The following SMOC1 variants were observed in gnomAD, a reference collection of about 807,000 sequenced individuals.
SMOC1 encodes the protein SPARC related modular calcium binding 1.
SMOC1 carries 22 observed loss-of-function variants against 56.3 expected under a neutral mutation model. The ratio of observed to expected loss-of-function variants is 0.39; its 90% CI spans 0.28 to 0.56. The LOEUF (loss-of-function observed/expected upper bound fraction) is 0.56, where lower values mean the gene tolerates loss of function less well. Among genes scored for constraint, SMOC1 ranks in the 20% least tolerant of loss-of-function variants. The pLI is 0.61. For synonymous variants in SMOC1, 193 were observed against 215.0 expected (o/e 0.90, Z 0.89); for missense variants, 509 against 565.4 (o/e 0.90, Z 1.01).
intron 3 of SMOC1, among the ~76,000 whole-genome samples, chr14:69,954,630 G>T (rs572382151): frequency 6.6e-6 from 1 of 152,344 alleles, no homozygotes; most frequent in Non-Finnish European, 1.5e-5. Flanking sequence ...TGCCAGCTGA[G>T]TGAAGGTGCT....
rs143168404 is a variant in SMOC1 at position 69,993,011 on chromosome 14, GC to G, written c.583+539del. On this transcript the variant is annotated intron_variant, in intron 6 of 11. Transcript: ENST00000361956. Reference sequence around the variant, plus strand: ...AAGAGATCACCATGGTCTGGGAAAAGCTTTTGTGAAGAGCCAGGACTTGAGC... The same window carrying G: ...AAGAGATCACCATGGTCTGGGAAAAGTTTTGTGAAGAGCCAGGACTTGAGC... 6.8e-3 allele frequency among the ~76,000 whole-genome samples: 1,035 copies of G among 152,316 alleles called. 12 individuals are homozygous for G. The highest frequency in any genetic ancestry group is 0.023 in the African/African-American group (962 of 41,564).
intron 1 of SMOC1, among the ~76,000 whole-genome samples, chr14:69,913,298 C>G (rs1202516213): frequency 1.3e-5 from 2 of 152,246 alleles, no homozygotes; most frequent in East Asian, 3.9e-4. Context: ...GTTCTATGTA[C>G]TCTTATACAT....
intron 6 of SMOC1, 109 bp downstream of exon 6, chr14:69,992,582 T>C: frequency 1.1e-6 from 1 of 911,776 alleles, no homozygotes. Context: ...ATTTTCTTTT[T>C]TAATTTCAAT....
At chr14:69,938,839 A>G (rs535165910) in intron 1 of SMOC1, among the ~76,000 whole-genome samples, 4 of 152,158 alleles carry the variant, frequency 2.6e-5, no homozygotes, top group Non-Finnish European at 5.9e-5. Context: ...TGTTTTTGCA[A>G]GTAACTTAGC....
At chr14:70,017,521 T>C (rs1885561548) in intron 10 of SMOC1, among the ~76,000 whole-genome samples, 3 of 152,164 alleles carry the variant, frequency 2.0e-5, no homozygotes, top group Non-Finnish European at 2.9e-5. Flanking sequence ...CCTCTCAGAC[T>C]CTAGTAGTTA....
intron 10 of SMOC1, among the ~76,000 whole-genome samples, chr14:70,019,988 T>C (rs1885651153): frequency 6.6e-6 from 1 of 152,188 alleles, no homozygotes; most frequent in South Asian, 2.1e-4. Flanking sequence ...TTGCCTTCAA[T>C]AGTTTTGTTG....
At chr14:69,991,833 G>A (rs927540712) in intron 5 of SMOC1, among the ~76,000 whole-genome samples, 14 of 152,234 alleles carry the variant, frequency 9.2e-5, no homozygotes, top group South Asian at 2.1e-4. Context: ...CTTCAGTTCC[G>A]TGTGCTGGAG....
intron 5 of SMOC1, among the ~76,000 whole-genome samples, chr14:69,979,054 C>G (rs1333673904): frequency 6.6e-6 from 1 of 151,980 alleles, no homozygotes; most frequent in Non-Finnish European, 1.5e-5. Context: ...GGGCTTCCCA[C>G]CTGCATCTAG....
chr14:69,957,370 G>A (rs1445916049), intron 3 of SMOC1, among the ~76,000 whole-genome samples: 1 of 152,172 alleles, frequency 6.6e-6, no homozygotes, highest in East Asian at 1.9e-4. Flanking sequence ...ATACGCTTAT[G>A]TATAAAGAAA....
chr14:69,884,206 G>A (rs1238838686), intron 1 of SMOC1, among the ~76,000 whole-genome samples: 2 of 152,136 alleles, frequency 1.3e-5, no homozygotes, highest in African/African-American at 2.4e-5. Flanking sequence ...GCGCCCGGCC[G>A]AGCATTTTTA....
intron 1 of SMOC1, among the ~76,000 whole-genome samples, chr14:69,923,046 G>A (rs960594374): frequency 2.0e-5 from 3 of 151,708 alleles, no homozygotes; most frequent in Admixed American, 2.0e-4. Context: ...CCAGGTTCAC[G>A]CCATTCTCCT....
chr14:69,992,335 C>A (rs1362721273), intron 5 of SMOC1, 82 bp from the exon 6 acceptor site: 15 of 1,395,214 alleles, frequency 1.1e-5, no homozygotes, highest in Non-Finnish European at 1.5e-5. Flanking sequence ...CAAACCCCAA[C>A]CATTCAACAG....
At position 69,893,620 on chromosome 14, in the gene SMOC1, C is replaced by G. The variant is rs186554559; in HGVS notation, c.99+13843C>G. On this transcript the variant is annotated intron_variant, in intron 1 of 11. Coordinates refer to ENST00000361956, the MANE Select transcript of SMOC1 (RefSeq NM_001034852.3). ...ACTATAGATTTGCTTTTTGTGTGAT[C>G]TTTGGTATATTTATATCAGTTGGAT... Among the ~76,000 whole-genome samples, 350 of 152,176 alleles carry G rather than the reference C, an allele frequency of 2.3e-3. 1 individual carries two copies. The highest frequency in any genetic ancestry group is 8.2e-3 in the African/African-American group (339 of 41,508).
Position 69,952,252 on chromosome 14 carries a change from G to C in SMOC1, c.214G>C (p.Ala72Pro), listed in dbSNP as rs1883028868. Residue 72 changes from alanine to proline, a missense_variant, in exon 2 of 12, where the codon GCC becomes CCC. Ala to Pro is a conservative substitution (Grantham distance 27). Coordinates refer to ENST00000361956, the MANE Select transcript of SMOC1 (RefSeq NM_001034852.3). ...CGAGTCCATGTGTGAGTACCAGCGAGCCAAGTGCCGAGACCCGACCCTGGG... is the reference window on the plus strand; with the variant it reads ...CGAGTCCATGTGTGAGTACCAGCGACCCAAGTGCCGAGACCCGACCCTGGG... ...SYESMCEYQRAKCRDPTLGVV... is the reference protein window; with the variant it reads ...SYESMCEYQRPKCRDPTLGVV... 1 of 1,614,038 alleles carries C rather than the reference G, an allele frequency of 6.2e-7. No individual in the cohort carries two copies.
chr14:69,929,528 G>A (rs1305409490), intron 1 of SMOC1, among the ~76,000 whole-genome samples: 1 of 152,160 alleles, frequency 6.6e-6, no homozygotes, highest in Non-Finnish European at 1.5e-5. Context: ...CTTAACTACT[G>A]TGCTACGTTG....
intron 3 of SMOC1, among the ~76,000 whole-genome samples, chr14:69,967,950 A>T: frequency 6.6e-6 from 1 of 152,230 alleles, no homozygotes; most frequent in Admixed American, 6.5e-5. Flanking sequence ...GAATTACACC[A>T]TCCCTTCCTT....
intron 10 of SMOC1, among the ~76,000 whole-genome samples, chr14:70,021,524 G>C (rs1423917021): frequency 6.6e-6 from 1 of 152,190 alleles, no homozygotes; most frequent in East Asian, 1.9e-4. Flanking sequence ...GCAGCTGGCA[G>C]CTCTCCACGG....
intron 1 of SMOC1, among the ~76,000 whole-genome samples, chr14:69,946,515 G>T (rs955156060): frequency 6.6e-6 from 1 of 152,142 alleles, no homozygotes; most frequent in Admixed American, 6.5e-5. Context: ...ATGTCTTTTG[G>T]TTAGGAAGAA....
chr14:69,921,707 G>A (rs1424880893), intron 1 of SMOC1, among the ~76,000 whole-genome samples: 1 of 152,160 alleles, frequency 6.6e-6, no homozygotes, highest in Admixed American at 6.5e-5. Flanking sequence ...CCCAGGGCCT[G>A]GGCTGGGCCC....
Sources: gnomAD v4.1 joint callset for allele counts (sites outside exome capture counted in the v4.1 genomes callset) on GRCh38, gnomAD v4.1.1 for gene constraint, MANE v1.5 for transcripts, NCBI Gene and HGNC (gene_info 2026-07-23, HGNC 2026-07-21) for gene names.